The following ACACB variants were observed in gnomAD, a reference collection of about 807,000 sequenced individuals.
The protein encoded by ACACB is acetyl-CoA carboxylase 2.
Under a neutral mutation model 278.8 loss-of-function variants are expected in ACACB, and 209 were observed. The observed-to-expected ratio is 0.75, with a 90% CI of 0.67 to 0.84. The LOEUF is 0.84. Ranked by LOEUF, ACACB falls within the 40% of genes least tolerant of loss-of-function variation. The probability of loss-of-function intolerance (pLI) is 0.00; values close to 1 mark genes in which losing one functional copy is unlikely to be tolerated. For missense variants in ACACB, 2,850 were observed against 3,269.0 expected (o/e 0.87, Z 3.13); for synonymous variants, 1,174 against 1,285.6 (o/e 0.91, Z 1.86).
intron 27 of ACACB, among the ~76,000 whole-genome samples, chr12:109,226,427 C>T (rs1252325185): frequency 6.6e-6 from 1 of 150,820 alleles, no homozygotes; most frequent in African/African-American, 2.4e-5. Flanking sequence ...CGGCCAGGTA[C>T]GGTGGCTCAT....
intron 43 of ACACB, among the ~76,000 whole-genome samples, chr12:109,253,604 A>C: frequency 6.6e-6 from 1 of 152,206 alleles, no homozygotes. Context: ...TATCATGATG[A>C]TTAAGTGAAG....
chr12:109,254,076 G>A, intron 43 of ACACB, 138 bp from the exon 44 acceptor site: 1 of 996,542 alleles, frequency 1.0e-6, no homozygotes, highest in Non-Finnish European at 1.5e-6. Context: ...TCCAATCAGA[G>A]CAGTGGCTTC....
At chr12:109,258,169 G>C in intron 45 of ACACB, 99 bp from the exon 46 acceptor site, 3 of 777,268 alleles carry the variant, frequency 3.9e-6, no homozygotes, top group Non-Finnish European at 4.1e-6. Flanking sequence ...AGATTAAAAA[G>C]AGCATTCTCC....
chr12:109,218,824 A>G (rs2046082222), intron 24 of ACACB, among the ~76,000 whole-genome samples: 1 of 149,226 alleles, frequency 6.7e-6, no homozygotes, highest in Non-Finnish European at 1.5e-5. Context: ...GCTGGAGTGC[A>G]GTGGCACGAT....
Position 109,197,110 on chromosome 12 carries a change from A to G in ACACB, c.2584A>G (p.Asn862Asp). Residue 862 changes from asparagine (N) to aspartate (D), a missense_variant, in exon 17 of 53, where the codon AAT (asparagine) becomes GAT (aspartate). Physicochemically the swap from Asn to Asp is conservative, Grantham distance 23. Around this residue, in one of 3 missense-constraint regions of ACACB, gnomAD observed 2,265 missense variants for 2,561.3 expected, o/e 0.88. Transcript: ENST00000338432. The part of the protein sequence containing the change: ...LNDGGLLLSY[N>D]GNSYTTYMKE... ...TGATGGGGGGCTCCTGCTCTCCTAC[A>G]ATGGGAACAGCTACACCACCTACAT... 6.2e-7 allele frequency: 1 copy of G among 1,603,984 alleles called. No homozygotes were observed. The highest frequency in any genetic ancestry group is 8.5e-7 in the Non-Finnish European group (1 of 1,176,120).
intron 16 of ACACB, 149 bp downstream of exon 16, chr12:109,193,878 T>C (rs1279834421): frequency 2.5e-5 from 17 of 679,474 alleles, no homozygotes; most frequent in Middle Eastern, 6.1e-4. Flanking sequence ...GTCCGTGACC[T>C]TGACACCTAA....
intron 2 of ACACB, among the ~76,000 whole-genome samples, chr12:109,146,321 C>T (rs1203499817): frequency 6.6e-6 from 1 of 152,270 alleles, no homozygotes; most frequent in Non-Finnish European, 1.5e-5. Context: ...CACTGCTGCT[C>T]TGCCCTGGAA....
intron 27 of ACACB, 73 bp downstream of exon 27, chr12:109,223,977 G>A: frequency 1.6e-6 from 2 of 1,280,846 alleles, no homozygotes; most frequent in Middle Eastern, 2.1e-4. Context: ...CCATGCACCT[G>A]ACCCTAGGCC....
intron 11 of ACACB, among the ~76,000 whole-genome samples, chr12:109,181,567 A>G (rs1314805843): frequency 6.6e-6 from 1 of 152,090 alleles, no homozygotes; most frequent in Non-Finnish European, 1.5e-5. Flanking sequence ...GTTGATGGAC[A>G]TTTAGGTTGA....
upstream of ACACB, among the ~76,000 whole-genome samples, chr12:109,111,898 T>A (rs1593330365): frequency 6.6e-6 from 1 of 152,212 alleles, no homozygotes; most frequent in African/African-American, 2.4e-5. Context: ...TCATTCTACA[T>A]TTTGTGGTCA....
At chr12:109,248,251 CCTT>C (rs1308311881) in intron 40 of ACACB, among the ~76,000 whole-genome samples, 2 of 152,136 alleles carry the variant, frequency 1.3e-5, no homozygotes. Flanking sequence ...TTATTGCAGA[CCTT>C]CTTAGTACCT....
At chr12:109,133,849 ATATATATATATATATTTTT>A (rs1218508107) in intron 1 of ACACB, among the ~76,000 whole-genome samples, 4 of 43,974 alleles carry the variant, frequency 9.1e-5, no homozygotes, top group African/African-American at 1.0e-4. Context: ...ATATATATAT[ATATATATATATATATTTTT>A]TTTTTTTTTT....
At chr12:109,172,807 T>A (rs1342489647) in intron 6 of ACACB, among the ~76,000 whole-genome samples, 1 of 152,188 alleles carries the variant, frequency 6.6e-6, no homozygotes, top group Non-Finnish European at 1.5e-5. Context: ...CCAGCAATCC[T>A]GTTACTGGGT....
the ACACB span, chr12:109,111,342 G>T: frequency 1.1e-4 from 17 of 152,312 alleles, no homozygotes; most frequent in African/African-American, 4.1e-4. Flanking sequence ...GCCCTGTGAC[G>T]TTGGAGGGGA....
chr12:109,265,325 G>C (rs765773532), intron 51 of ACACB, 45 bp downstream of exon 51: 2 of 1,610,486 alleles, frequency 1.2e-6, no homozygotes, highest in Admixed American at 1.7e-5. Context: ...AGGGGGTGCT[G>C]GGGGCTGAGA....
rs191798185 is a variant in ACACB, at chr12:109,249,791, G to A, written c.5670-193G>A. The A allele has an allele frequency of 1.5e-5, 8 of 537,636 alleles. No homozygotes were observed. The Admixed American group carries it at 2.7e-4, about 18-fold the overall frequency. 33.3% of individuals were successfully genotyped at this position (537,636 alleles called of 1,614,324 possible). The stretch of plus-strand genomic sequence containing the variant: ...ACAGAGCAGGGTGATGATTGTTGAT[G>A]CTGCACTTGCCCTTTTAGAAATCTT... On this transcript the variant is annotated intron_variant, in intron 40 of 52. Transcript: ENST00000338432.
chr12:109,259,888 C>A (rs1424391530), intron 47 of ACACB, among the ~76,000 whole-genome samples: 1 of 152,172 alleles, frequency 6.6e-6, no homozygotes, highest in East Asian at 1.9e-4. Flanking sequence ...GCAGACAGAC[C>A]TGCTGTGAGT....
At chr12:109,216,300 C>T (rs555888735) in intron 22 of ACACB, among the ~76,000 whole-genome samples, 7 of 149,872 alleles carry the variant, frequency 4.7e-5, no homozygotes, top group Non-Finnish European at 1.0e-4. Flanking sequence ...CGGCTCACTG[C>T]AACCTCCTCT....
intron 1 of ACACB, among the ~76,000 whole-genome samples, chr12:109,137,969 G>C (rs1161093234): frequency 6.6e-6 from 1 of 151,498 alleles, no homozygotes; most frequent in Non-Finnish European, 1.5e-5. Context: ...CATGATCTCA[G>C]CTCACTGCAA....
Sources: gnomAD v4.1 joint callset for allele counts (sites outside exome capture counted in the v4.1 genomes callset) on GRCh38, gnomAD v4.1.1 for gene constraint, gnomAD v4.1.1 regional missense constraint, MANE v1.5 for transcripts, NCBI Gene and HGNC (gene_info 2026-07-23, HGNC 2026-07-21) for gene names.